The following ROBO1 variants were observed in gnomAD, a reference collection of about 807,000 sequenced individuals.
ROBO1 encodes the protein roundabout guidance receptor 1, also known as roundabout homolog 1.
In ROBO1, 149 loss-of-function variants were observed where a neutral mutation model predicts 195.9. The ratio of observed to expected loss-of-function variants is 0.76; its 90% CI spans 0.67 to 0.87. The LOEUF is 0.87. ROBO1 is among the 40% of genes least tolerant of loss of function. The pLI, the probability that ROBO1 is intolerant of heterozygous loss-of-function variation, is 0.00. For synonymous variants in ROBO1, 816 were observed against 733.2 expected (o/e 1.11, Z -1.82); for missense variants, 1,933 against 2,068.3 (o/e 0.93, Z 1.27).
intron 4 of ROBO1, among the ~76,000 whole-genome samples, chr3:78,920,624 GT>G (rs34364869): frequency 0.011 from 674 of 60,936 alleles, 3 homozygotes; most frequent in African/African-American, 0.04. Flanking sequence ...CTTTCTTTCA[GT>G]TTTTTTTTTT....
intron 28 of ROBO1, among the ~76,000 whole-genome samples, chr3:78,612,674 C>G (rs1159794764): frequency 1.3e-5 from 2 of 152,136 alleles, no homozygotes; most frequent in African/African-American, 2.4e-5. Context: ...AGCATAAAGA[C>G]TTGTTAGTAC....
intron 3 of ROBO1, among the ~76,000 whole-genome samples, chr3:79,074,810 A>G (rs925283065): frequency 1.3e-5 from 2 of 151,828 alleles, no homozygotes; most frequent in South Asian, 2.1e-4. Context: ...AATGTGTGCT[A>G]ATTTAGTAAT....
At chr3:79,765,483 TAC>T (rs373565545) in intron 1 of ROBO1, among the ~76,000 whole-genome samples, 144 of 152,268 alleles carry the variant, frequency 9.5e-4, no homozygotes, top group Middle Eastern at 6.8e-3. Context: ...GATGCATGCT[TAC>T]AGATTGCCTT....
chr3:78,677,181 C>T lies in ROBO1; in HGVS notation c.1343-6880G>A, dbSNP rs560547622. On this transcript the variant is annotated intron_variant, in intron 10 of 30. Coordinates refer to ENST00000464233, the MANE Select transcript of ROBO1 (RefSeq NM_002941.4). ...AAGAGCTCCTGAAGGAAGTACTAAA[C>T]GTGGAAAGGAACAACCAGTACCAGC... is the stretch of plus-strand genomic sequence containing the variant. Among the ~76,000 whole-genome samples, 268 of 152,282 alleles carry T rather than the reference C, an allele frequency of 1.8e-3. 2 individuals are homozygous for T. Among genetic ancestry groups the T allele is most frequent in the African/African-American group, 6.2e-3 (256 of 41,552 alleles).
At chr3:79,685,031 G>A (rs1032315516) in intron 1 of ROBO1, among the ~76,000 whole-genome samples, 2 of 152,100 alleles carry the variant, frequency 1.3e-5, no homozygotes, top group Non-Finnish European at 2.9e-5. Context: ...CCCAGAGTTT[G>A]ACATTGTTGC....
intron 10 of ROBO1, chr3:78,670,602 G>A (rs964175123): frequency 7.2e-6 from 2 of 278,736 alleles, no homozygotes; most frequent in Non-Finnish European, 1.4e-5. Flanking sequence ...ATACAGAGAC[G>A]TGATCATGGA....
chr3:79,574,411 T>C (rs1943380530), intron 2 of ROBO1, among the ~76,000 whole-genome samples: 1 of 151,986 alleles, frequency 6.6e-6, no homozygotes, highest in African/African-American at 2.4e-5. Context: ...TAAATTTTGC[T>C]ACCATAAATT....
intron 18 of ROBO1, among the ~76,000 whole-genome samples, chr3:78,655,987 C>A (rs1207809198): frequency 6.6e-6 from 1 of 152,166 alleles, no homozygotes; most frequent in African/African-American, 2.4e-5. Context: ...TCTTGCTTTT[C>A]AGTTACAATG....
intron 2 of ROBO1, among the ~76,000 whole-genome samples, chr3:79,138,346 A>G (rs1234778226): frequency 6.6e-6 from 1 of 152,024 alleles, no homozygotes; most frequent in Non-Finnish European, 1.5e-5. Flanking sequence ...TGTTGGAATG[A>G]AGAGTTTAAG....
At chr3:79,627,469 C>A (rs772891070) in intron 1 of ROBO1, among the ~76,000 whole-genome samples, 8 of 152,084 alleles carry the variant, frequency 5.3e-5, no homozygotes, top group Non-Finnish European at 1.0e-4. Context: ...TGAAATTGGA[C>A]CCCTCCCTTA....
At chr3:79,652,772 A>G (rs1229073549) in intron 1 of ROBO1, among the ~76,000 whole-genome samples, 6 of 152,040 alleles carry the variant, frequency 3.9e-5, no homozygotes, top group Admixed American at 3.9e-4. Context: ...ATAAATACAA[A>G]AAAATTGTGA....
intron 3 of ROBO1, among the ~76,000 whole-genome samples, chr3:78,947,003 G>A (rs1214590748): frequency 1.3e-5 from 2 of 152,230 alleles, no homozygotes; most frequent in South Asian, 2.1e-4. Context: ...CCCAATACAG[G>A]AGCACCCAGA....
chr3:78,869,054 T>A (rs546769383), intron 4 of ROBO1, among the ~76,000 whole-genome samples: 2 of 152,256 alleles, frequency 1.3e-5, no homozygotes, highest in East Asian at 1.9e-4. Context: ...AATAAAAAAA[T>A]TAAATAAAAT....
At chr3:79,623,561 A>G (rs1273618771) in intron 1 of ROBO1, among the ~76,000 whole-genome samples, 1 of 152,204 alleles carries the variant, frequency 6.6e-6, no homozygotes, top group Non-Finnish European at 1.5e-5. Context: ...ATAAGAATCA[A>G]CAGTTGAATC....
intron 2 of ROBO1, among the ~76,000 whole-genome samples, chr3:79,128,159 A>C (rs2080252492): frequency 1.3e-5 from 2 of 152,172 alleles, no homozygotes; most frequent in African/African-American, 4.8e-5. Context: ...AGAAGATAGC[A>C]AGGAAGAGAC....
chr3:79,269,256 T>G (rs2030292607), intron 2 of ROBO1, among the ~76,000 whole-genome samples: 1 of 151,770 alleles, frequency 6.6e-6, no homozygotes, highest in South Asian at 2.1e-4. Flanking sequence ...TTACAATGTT[T>G]TTCCTAAAAG....
At chr3:79,175,288 C>T (rs78943031) in intron 2 of ROBO1, among the ~76,000 whole-genome samples, 13,358 of 152,072 alleles carry the variant, frequency 0.088, 1,006 homozygotes, top group African/African-American at 0.2. Context: ...CACCTATTTG[C>T]AGTAATCCTC....
chr3:79,265,297 T>TG (rs200178499), intron 2 of ROBO1, among the ~76,000 whole-genome samples: 1 of 103,198 alleles, frequency 9.7e-6, no homozygotes, highest in African/African-American at 3.7e-5. Context: ...GAAAAGCAGA[T>TG]TTTTTTTTTT....
chr3:79,185,768 C>T (rs2081426990), intron 2 of ROBO1, among the ~76,000 whole-genome samples: 2 of 152,098 alleles, frequency 1.3e-5, no homozygotes, highest in African/African-American at 2.4e-5. Flanking sequence ...GGAGAAGCCA[C>T]ATATTAAATG....
Sources: gnomAD v4.1 joint callset for allele counts (sites outside exome capture counted in the v4.1 genomes callset) on GRCh38, gnomAD v4.1.1 for gene constraint, MANE v1.5 for transcripts, NCBI Gene and HGNC (gene_info 2026-07-23, HGNC 2026-07-21) for gene names.